GPR75: variants seen among roughly 807,000 people sequenced by gnomAD.
GPR75 encodes G protein-coupled receptor 75.
In GPR75, 27 loss-of-function variants were observed where a neutral mutation model predicts 26.0. That is an observed-to-expected ratio of 1.04 (90% CI 0.77 to 1.43). The LOEUF is 1.43. GPR75 is among the 40% of genes most tolerant of loss of function. GPR75 has a pLI of 0.00. For missense variants in GPR75, 699 were observed against 662.3 expected, an observed-to-expected ratio of 1.06 and a Z score of -0.61; for synonymous variants, 285 against 256.3, an observed-to-expected ratio of 1.11 and a Z score of -1.07.
intron 1 of GPR75, among the ~76,000 whole-genome samples, chr2:53,857,170 TGTTA>T (rs973747746): frequency 2.0e-5 from 3 of 151,022 alleles, no homozygotes; most frequent in African/African-American, 7.3e-5. Context: ...GGTTTCACCT[TGTTA>T]GCCAGGATGG....
rs138373994 is a variant in GPR75, at chr2:53,853,713, G to T, written c.1044C>A (p.Ser348Arg). Reference sequence around the variant, plus strand: ...ACTGGTAAAGAATGAAGCTCCCATTGCTGGAGAGAACCACCTGTACCAAGG... The same window carrying T: ...ACTGGTAAAGAATGAAGCTCCCATTTCTGGAGAGAACCACCTGTACCAAGG... ...GISLVQVVLS[S>R]NGSFILYQFE... The change falls in exon 2 of 2, where the codon AGC (serine) becomes AGA (arginine). Residue 348 changes from serine (S) to arginine (R), a missense_variant. Ser to Arg is a moderately radical substitution (Grantham distance 110). Transcript: ENST00000394705. 5.0e-4 allele frequency: 799 copies of T among 1,613,486 alleles called. 4 individuals are homozygous for T. In the African/African-American group the frequency reaches 9.4e-3, roughly 19 times the overall value.
chr2:53,855,564 G>A (rs376275425), intron 1 of GPR75, among the ~76,000 whole-genome samples: 1 of 152,134 alleles, frequency 6.6e-6, no homozygotes, highest in Non-Finnish European at 1.5e-5. Flanking sequence ...TGGAAAGGGA[G>A]CTGGGAAAGG....
chr2:53,859,646 A>G, intron 1 of GPR75, among the ~76,000 whole-genome samples, 182 bp downstream of exon 1: 2 of 151,292 alleles, frequency 1.3e-5, no homozygotes, highest in African/African-American at 4.9e-5. Flanking sequence ...TCCACGGCCG[A>G]GCAGAGCCTG....
At position 53,853,334 on chromosome 2, in the gene GPR75, T is replaced by C. The variant is rs1558628281; in HGVS notation, c.1423A>G (p.Ile475Val). ...QHCGQSSSTP[I>V]NTRIEPYYSI... The stretch of plus-strand genomic sequence containing the variant: ...TAGTAAGGTTCAATCCGAGTGTTGA[T>C]GGGGGTCGAGCTGCTCTGACCACAG... Residue 475 changes from isoleucine (I) to valine (V), a missense_variant, in exon 2 of 2, where the codon ATC (isoleucine) becomes GTC (valine). By Grantham distance (29) the Ile-to-Val change is conservative. Coordinates refer to ENST00000394705, the MANE Select transcript of GPR75 (RefSeq NM_006794.4). The C allele has an allele frequency of 2.5e-6, 4 of 1,614,138 alleles. No individual in the cohort carries two copies. Among genetic ancestry groups the C allele is most frequent in the Non-Finnish European group, 3.4e-6 (4 of 1,179,998 alleles).
At chr2:53,857,260 C>G (rs1678256516) in intron 1 of GPR75, among the ~76,000 whole-genome samples, 1 of 151,982 alleles carries the variant, frequency 6.6e-6, no homozygotes, top group East Asian at 1.9e-4. Context: ...AGCCACCGCG[C>G]CCGGCCGAGA....
Position 53,853,867 on chromosome 2 carries a change from G to T in GPR75, c.890C>A (p.Thr297Asn). Reference protein sequence around the residue: ...GYTKSPNQLVTPAASRLQLVS... With the variant: ...GYTKSPNQLVNPAASRLQLVS... Reference sequence around the variant, plus strand: ...GAGCTGGAGTCGGCTTGCTGCAGGGGTGACCAGTTGGTTGGGACTCTTGGT... The same window carrying T: ...GAGCTGGAGTCGGCTTGCTGCAGGGTTGACCAGTTGGTTGGGACTCTTGGT... The change falls in exon 2 of 2, where the codon ACC becomes AAC. Residue 297 changes from threonine (T) to asparagine (N), a missense_variant. By Grantham distance (65) the Thr-to-Asn change is moderately conservative. Transcript: ENST00000394705. The T allele has an allele frequency of 6.2e-7, 1 of 1,614,104 alleles. No homozygotes were observed. The highest frequency in any genetic ancestry group is 1.3e-5 in the African/African-American group (1 of 75,030).
chr2:53,854,572 A>G lies in GPR75; in HGVS notation c.185T>C (p.Ile62Thr). 1 of 1,614,096 alleles carries G rather than the reference A, an allele frequency of 6.2e-7. No individual in the cohort carries two copies. Among genetic ancestry groups the G allele is most frequent in the Non-Finnish European group, 8.5e-7 (1 of 1,179,982 alleles). The change falls in exon 2 of 2, where the codon ATT becomes ACT. Residue 62 changes from isoleucine (I) to threonine (T), a missense_variant. Ile to Thr is a moderately conservative substitution (Grantham distance 89). Transcript: ENST00000394705. The stretch of plus-strand genomic sequence containing the variant: ...TGGATCGAAGAAGGACAAGAAGACA[A>G]TGAAGTTGCCATAGGAACCCAGGCA... The part of the protein sequence containing the change: ...IFCLGSYGNF[I>T]VFLSFFDPAF...
At chr2:53,856,817 A>T (rs971871680) in intron 1 of GPR75, among the ~76,000 whole-genome samples, 1 of 152,242 alleles carries the variant, frequency 6.6e-6, no homozygotes, top group Non-Finnish European at 1.5e-5. Context: ...CCATAAGAGA[A>T]GAAAATCCTG....
Position 53,853,076 on chromosome 2 carries a change from A to G in GPR75, c.*58T>C. 1 of 1,238,766 alleles carries G rather than the reference A, an allele frequency of 8.1e-7. No individual in the cohort carries two copies. Among genetic ancestry groups the G allele is most frequent in the Non-Finnish European group, 1.1e-6 (1 of 874,714 alleles). The allele number at this position is 1,238,766 out of a possible 1,614,324, so 76.7% of individuals were successfully genotyped here. ...CGCCACTGATCTCAAGTTAGAATAA[A>G]GTCCATTACTATCAGAAACAAAAAC... On this transcript the variant is annotated 3_prime_UTR_variant, in exon 2 of 2. Transcript: ENST00000394705.
rs1361261444 is a variant in GPR75 at position 53,854,473 on chromosome 2, C to T, written c.284G>A (p.Gly95Glu). Residue 95 changes from glycine (G) to glutamate (E), a missense_variant, in exon 2 of 2, where the codon GGA becomes GAA. Transcript: ENST00000394705. ...NLSFCDLFIC[G>E]VTAPMFTFVL... ...AAAGGTGAACATGGGGGCTGTCACT[C>T]CACAAATGAAGAGGTCACAGAAGGA... 6.2e-7 allele frequency: 1 copy of T among 1,614,060 alleles called. No homozygotes were observed. The highest frequency in any genetic ancestry group is 8.5e-7 in the Non-Finnish European group (1 of 1,179,994).
chr2:53,854,546 C>A lies in GPR75; in HGVS notation c.211G>T (p.Ala71Ser). 1 of 1,614,000 alleles carries A rather than the reference C, an allele frequency of 6.2e-7. No homozygotes were observed. The highest frequency in any genetic ancestry group is 2.2e-5 in the East Asian group (1 of 44,886). ...FIVFLSFFDP[A>S]FRKFRTNFDF... ...AAGTTGGTTCTGAATTTCCTGAAGG[C>A]TGGATCGAAGAAGGACAAGAAGACA... The change falls in exon 2 of 2, where the codon GCC (alanine) becomes TCC (serine). Residue 71 changes from alanine to serine, a missense_variant. Coordinates refer to ENST00000394705, the MANE Select transcript of GPR75 (RefSeq NM_006794.4).
chr2:53,853,697 G>A lies in GPR75; in HGVS notation c.1060C>T (p.Leu354Phe). The A allele has an allele frequency of 6.2e-6, 10 of 1,613,498 alleles. No individual in the cohort carries two copies. Among genetic ancestry groups the A allele is most frequent in the Non-Finnish European group, 8.5e-6 (10 of 1,179,426 alleles). ...AATCCAAACAATTCAAACTGGTAAA[G>A]AATGAAGCTCCCATTGCTGGAGAGA... is the stretch of plus-strand genomic sequence containing the variant. ...VVLSSNGSFI[L>F]YQFELFGFTL... The change falls in exon 2 of 2, where the codon CTT becomes TTT. Residue 354 changes from leucine to phenylalanine, a missense_variant. Leu to Phe is a conservative substitution (Grantham distance 22). Coordinates refer to ENST00000394705, the MANE Select transcript of GPR75 (RefSeq NM_006794.4).
At chr2:53,856,946 AT>A (rs10665107) in intron 1 of GPR75, among the ~76,000 whole-genome samples, 321 of 78,922 alleles carry the variant, frequency 4.1e-3, no homozygotes, top group African/African-American at 0.012. Context: ...GAGAAAGACA[AT>A]TTTTTTTTTT....
Position 53,853,946 on chromosome 2 carries a change from G to GT in GPR75, c.810_811insA (p.Leu271ThrfsTer3). 1 of 1,614,116 alleles carries GT rather than the reference G, an allele frequency of 6.2e-7. No individual in the cohort carries two copies. The highest frequency in any genetic ancestry group is 8.5e-7 in the Non-Finnish European group (1 of 1,180,018). On this transcript the variant is annotated frameshift_variant, in exon 2 of 2. Transcript: ENST00000394705. LOFTEE classifies it high-confidence loss of function. ...TTGTTGTAATTCTGGTTCCTATACA[G>GT]AGCCGGCATGGCACACTGGATGGGA...
chr2:53,856,058 C>G (rs1678217991), intron 1 of GPR75, among the ~76,000 whole-genome samples: 1 of 152,200 alleles, frequency 6.6e-6, no homozygotes, highest in South Asian at 2.1e-4. Flanking sequence ...AGGAGGCATG[C>G]ACCCATTCCT....
Position 53,854,799 on chromosome 2 carries a change from T to C in GPR75, c.-43A>G. 1.3e-6 allele frequency: 2 copies of C among 1,493,802 alleles called. No individual in the cohort carries two copies. Among genetic ancestry groups the C allele is most frequent in the Non-Finnish European group, 1.8e-6 (2 of 1,084,096 alleles). 92.5% of individuals were successfully genotyped at this position (1,493,802 alleles called of 1,614,324 possible). The stretch of plus-strand genomic sequence containing the variant: ...TCCTTCTTCTGCTCCCCAAAAATAC[T>C]CAGTGAGTCAGGGCCTCAGCTCACA... On this transcript the variant is annotated 5_prime_UTR_variant, in exon 2 of 2. Transcript: ENST00000394705.
chr2:53,854,403 G>C lies in GPR75; in HGVS notation c.354C>G (p.Cys118Trp). ...CTGAACTGGTGAGATGGAAAGTGAA[G>C]CAGAAAGCATCCGGGATACTACTGG... ...SSASSIPDAF[C>W]FTFHLTSSGF... Residue 118 changes from cysteine (C) to tryptophan (W), a missense_variant, in exon 2 of 2, where the codon TGC becomes TGG. Physicochemically the swap from Cys to Trp is radical, Grantham distance 215. Coordinates refer to ENST00000394705, the MANE Select transcript of GPR75 (RefSeq NM_006794.4). The C allele has an allele frequency of 6.2e-7, 1 of 1,614,086 alleles. No individual in the cohort carries two copies. Among genetic ancestry groups the C allele is most frequent in the Non-Finnish European group, 8.5e-7 (1 of 1,179,980 alleles).
chr2:53,857,851 T>C (rs1678272896), intron 1 of GPR75, among the ~76,000 whole-genome samples: 1 of 152,154 alleles, frequency 6.6e-6, no homozygotes, highest in African/African-American at 2.4e-5. Context: ...GTGCTGAGAT[T>C]ACAGGTGTGA....
intron 1 of GPR75, among the ~76,000 whole-genome samples, chr2:53,857,041 G>A (rs1678249543): frequency 7.6e-6 from 1 of 130,922 alleles, no homozygotes; most frequent in Non-Finnish European, 1.5e-5. Context: ...TCGGCTCACT[G>A]CAAGCTCCGC....
Sources: allele counts gnomAD v4.1 joint callset (sites outside exome capture counted in the v4.1 genomes callset), GRCh38; gene constraint gnomAD v4.1.1; transcripts MANE v1.5; gene names NCBI Gene and HGNC (gene_info 2026-07-23, HGNC 2026-07-21).